Variants in SCAPER observed in about 807,000 individuals in gnomAD.
SCAPER encodes S-phase cyclin A associated protein in the ER.
SCAPER carries 98 observed loss-of-function variants against 182.2 expected under a neutral mutation model. The observed-to-expected ratio is 0.54, with a 90% CI of 0.46 to 0.64. SCAPER has a LOEUF of 0.64. Among genes scored for constraint, SCAPER ranks in the 30% least tolerant of loss-of-function variants. The probability of loss-of-function intolerance (pLI) is 0.00; values close to 1 mark genes in which losing one functional copy is unlikely to be tolerated. For synonymous variants in SCAPER, 605 were observed against 564.6 expected (o/e 1.07, Z -1.01); for missense variants, 1,432 against 1,690.0 (o/e 0.85, Z 2.68).
At chr15:76,592,664 T>C (rs968210930) in intron 22 of SCAPER, among the ~76,000 whole-genome samples, 2 of 122,456 alleles carry the variant, frequency 1.6e-5, no homozygotes, top group African/African-American at 5.0e-5. Flanking sequence ...GCGCAGCCCA[T>C]GGAGGGTCAG....
intron 21 of SCAPER, among the ~76,000 whole-genome samples, chr15:76,625,236 TA>T (rs2146154801): frequency 6.6e-6 from 1 of 152,262 alleles, no homozygotes; most frequent in East Asian, 1.9e-4. Context: ...TACTCAGGCC[TA>T]AGGCAGAATG....
chr15:76,370,310 T>TTTTTTTGTTTTTTG (rs750621345), intron 29 of SCAPER, among the ~76,000 whole-genome samples: 2 of 137,274 alleles, frequency 1.5e-5, no homozygotes, highest in African/African-American at 5.5e-5. Context: ...TTTTTTTTTT[T>TTTTTTTGTTTTTTG]TTTTTTGTTT....
At chr15:76,461,323 T>C (rs1367788991) in intron 25 of SCAPER, among the ~76,000 whole-genome samples, 3 of 142,420 alleles carry the variant, frequency 2.1e-5, no homozygotes, top group Non-Finnish European at 4.7e-5. Context: ...AAGTTACTAT[T>C]ACCCAACTTT....
At chr15:76,525,573 T>C (rs1295091648) in intron 23 of SCAPER, among the ~76,000 whole-genome samples, 1 of 152,104 alleles carries the variant, frequency 6.6e-6, no homozygotes, top group East Asian at 1.9e-4. Context: ...TTTATGTCCA[T>C]ATGTGTTCAG....
chr15:76,691,697 C>T (rs905552265), intron 20 of SCAPER, among the ~76,000 whole-genome samples: 1 of 152,084 alleles, frequency 6.6e-6, no homozygotes, highest in Admixed American at 6.5e-5. Flanking sequence ...CAGATTTCCC[C>T]ACCAGGAGAT....
At chr15:76,623,323 C>T (rs776616453) in intron 21 of SCAPER, among the ~76,000 whole-genome samples, 7 of 152,126 alleles carry the variant, frequency 4.6e-5, no homozygotes, top group Non-Finnish European at 7.4e-5. Context: ...ATTGCCAAGG[C>T]CATTGTCTAG....
At chr15:76,706,139 T>C (rs2059251986) in intron 17 of SCAPER, among the ~76,000 whole-genome samples, 155 bp from the exon 18 acceptor site, 5 of 152,094 alleles carry the variant, frequency 3.3e-5, no homozygotes, top group Admixed American at 1.3e-4. Flanking sequence ...CTCAGGTATA[T>C]TGCTAATTAA....
chr15:76,381,270 T>G, intron 28 of SCAPER, 108 bp downstream of exon 28: 1 of 735,024 alleles, frequency 1.4e-6, no homozygotes, highest in Non-Finnish European at 2.2e-6. Context: ...TTCCATTTAT[T>G]GTAGTTTATT....
Position 76,371,981 on chromosome 15 carries a change from C to T in SCAPER, c.3855+4181G>A, listed in dbSNP as rs927317168. 1.3e-5 allele frequency among the ~76,000 whole-genome samples: 2 copies of T among 151,830 alleles called. 1 individual carries two copies. The highest frequency in any genetic ancestry group is 1.3e-4 in the Admixed American group (2 of 15,254). ...ATCTCCATAATGTGCAGTGTCTCAG[C>T]TTCTTAGAATTACTATCTTTTCTAT... is the stretch of plus-strand genomic sequence containing the variant. On this transcript the variant is annotated intron_variant, in intron 29 of 31. Transcript: ENST00000563290.
intron 23 of SCAPER, among the ~76,000 whole-genome samples, chr15:76,539,590 G>T (rs1189172166): frequency 4.1e-5 from 6 of 147,268 alleles, no homozygotes; most frequent in Non-Finnish European, 7.4e-5. Flanking sequence ...TGTCTCCCAG[G>T]CTGGAGTGCT....
chr15:76,443,739 T>C (rs913370864), intron 25 of SCAPER, among the ~76,000 whole-genome samples: 2 of 152,230 alleles, frequency 1.3e-5, no homozygotes, highest in Non-Finnish European at 2.9e-5. Flanking sequence ...AACCATTGTG[T>C]CCAGCTCAGC....
chr15:76,730,427 T>G (rs1414826922), intron 16 of SCAPER, among the ~76,000 whole-genome samples: 2 of 152,114 alleles, frequency 1.3e-5, no homozygotes, highest in African/African-American at 4.8e-5. Context: ...TATCCTTTAC[T>G]GTCTGAGCAT....
At chr15:76,563,654 C>A (rs1459241114) in intron 23 of SCAPER, among the ~76,000 whole-genome samples, 2 of 152,146 alleles carry the variant, frequency 1.3e-5, no homozygotes, top group South Asian at 4.2e-4. Flanking sequence ...GACTCCCCCC[C>A]AGTTCATTCT....
chr15:76,854,816 A>AAT (rs2071168238), intron 4 of SCAPER, among the ~76,000 whole-genome samples: 7 of 150,670 alleles, frequency 4.6e-5, no homozygotes. Flanking sequence ...AAAAAAAAAA[A>AAT]AAAAAATTAG....
At chr15:76,898,959 CTA>C (rs2074588334) in intron 1 of SCAPER, among the ~76,000 whole-genome samples, 1 of 152,160 alleles carries the variant, frequency 6.6e-6, no homozygotes, top group African/African-American at 2.4e-5. Context: ...AGAAAGCAAG[CTA>C]TGTCCTAATC....
At chr15:76,542,876 A>G (rs1036831440) in intron 23 of SCAPER, among the ~76,000 whole-genome samples, 1 of 152,154 alleles carries the variant, frequency 6.6e-6, no homozygotes, top group South Asian at 2.1e-4. Context: ...GAAAGTTTCC[A>G]TGCTTAATAT....
At chr15:76,401,767 T>C (rs1340529558) in intron 27 of SCAPER, among the ~76,000 whole-genome samples, 1 of 151,868 alleles carries the variant, frequency 6.6e-6, no homozygotes, top group African/African-American at 2.4e-5. Context: ...CCTGAAAAAA[T>C]AATATGGGTG....
chr15:76,494,443 T>C (rs570986017), intron 24 of SCAPER, among the ~76,000 whole-genome samples: 1 of 152,136 alleles, frequency 6.6e-6, no homozygotes, highest in Non-Finnish European at 1.5e-5. Context: ...CCCACATCAA[T>C]AAACCAGTAC....
intron 5 of SCAPER, among the ~76,000 whole-genome samples, chr15:76,832,889 G>A (rs1231334837): frequency 2.0e-5 from 3 of 152,140 alleles, no homozygotes; most frequent in Admixed American, 1.3e-4. Flanking sequence ...GGAACCATTA[G>A]CCAGTTAAAT....
Sources: allele counts gnomAD v4.1 joint callset (sites outside exome capture counted in the v4.1 genomes callset), GRCh38; gene constraint gnomAD v4.1.1; transcripts MANE v1.5; gene names NCBI Gene and HGNC (gene_info 2026-07-23, HGNC 2026-07-21).